MGAT4D: variants seen among roughly 807,000 people sequenced by gnomAD.
The protein encoded by MGAT4D is MGAT4 family member D, also known as alpha-1,3-mannosyl-glycoprotein 4-beta-N-acetylglucosaminyltransferase-like protein MGAT4D.
In MGAT4D, 34 loss-of-function variants were observed where a neutral mutation model predicts 15.9. The ratio of observed to expected loss-of-function variants is 2.14; its 90% CI spans 1.62 to 2.84. MGAT4D has a LOEUF of 2.84. MGAT4D is among the 30% of genes most tolerant of loss of function. The pLI, the probability that MGAT4D is intolerant of heterozygous loss-of-function variation, is 0.00. For synonymous variants in MGAT4D, 112 were observed against 48.2 expected (o/e 2.33, Z -5.49); for missense variants, 327 against 140.2 (o/e 2.33, Z -6.73).
chr4:140,487,186 C>T (rs534719457), intron 1 of MGAT4D, among the ~76,000 whole-genome samples: 1 of 152,276 alleles, frequency 6.6e-6, no homozygotes, highest in South Asian at 2.1e-4. Flanking sequence ...AAATTACTTG[C>T]ATATTTACCC....
chr4:140,482,582 G>C (rs917774446), intron 1 of MGAT4D, 97 bp from the exon 2 acceptor site: 3 of 517,838 alleles, frequency 5.8e-6, no homozygotes, highest in Non-Finnish European at 1.0e-5. Flanking sequence ...TTTCAATATA[G>C]TTATATATAG....
At chr4:140,453,930 T>G (rs1730630412) in intron 9 of MGAT4D, among the ~76,000 whole-genome samples, 1 of 152,160 alleles carries the variant, frequency 6.6e-6, no homozygotes, top group Non-Finnish European at 1.5e-5. Flanking sequence ...ATTGCTATTT[T>G]GCAGAAAAAT....
At chr4:140,465,154 T>A (rs970306802) in intron 5 of MGAT4D, 145 bp from the exon 6 acceptor site, 4 of 513,936 alleles carry the variant, frequency 7.8e-6, no homozygotes, top group African/African-American at 3.8e-5. Flanking sequence ...ACCAGCATCA[T>A]AAAACTAGCC....
intron 9 of MGAT4D, among the ~76,000 whole-genome samples, chr4:140,452,334 T>C (rs1038982410): frequency 6.6e-6 from 1 of 152,180 alleles, no homozygotes; most frequent in Non-Finnish European, 1.5e-5. Flanking sequence ...TTTATTTAGA[T>C]GCATTTCTAC....
intron 9 of MGAT4D, among the ~76,000 whole-genome samples, chr4:140,454,401 G>C (rs982987421): frequency 2.0e-5 from 3 of 151,916 alleles, no homozygotes; most frequent in African/African-American, 7.3e-5. Context: ...TAAATTGGTG[G>C]GTTACACTGT....
In MGAT4D at chr4:140,461,977, A is replaced by G. The variant is rs1274108766; in HGVS notation, c.714T>C (p.Phe238=). The G allele has an allele frequency of 1.4e-6, 1 of 701,702 alleles. No homozygotes were observed. Among genetic ancestry groups the G allele is most frequent in the Admixed American group, 2.0e-5 (1 of 49,974 alleles). The allele number at this position is 701,702 out of a possible 1,614,324, so 43.5% of individuals were successfully genotyped here. Reference sequence around the variant, plus strand: ...GTTGGGCATACAGCAACAAAATGCAAAAATCCAATACCTGTTTGATTCGCC... The same window carrying G: ...GTTGGGCATACAGCAACAAAATGCAGAAATCCAATACCTGTTTGATTCGCC... The part of the protein sequence containing the change: ...ASWRIKQVLD[F]CILLLYAQPK... Residue 238 remains phenylalanine, a synonymous_variant, in exon 7 of 11, where the codon TTT becomes TTC. Coordinates refer to ENST00000511113, the MANE Select transcript of MGAT4D (RefSeq NM_001277353.2).
In MGAT4D at chr4:140,465,009, T is replaced by C. The variant is rs1230106358; in HGVS notation, c.573A>G (p.Lys191=). 1.1e-5 allele frequency: 8 copies of C among 700,664 alleles called. No homozygotes were observed. The highest frequency in any genetic ancestry group is 2.0e-5 in the Admixed American group (1 of 49,690). The allele number at this position is 700,664 out of a possible 1,614,324, so 43.4% of individuals were successfully genotyped here. ...LHSVVKMITK[K]FKRQVRSGSL... Reference sequence around the variant, plus strand: ...ATCCAGACCTCACTTGCCTTTTGAATCTATAAATAGAAGTAAATGCAGACT... The same window carrying C: ...ATCCAGACCTCACTTGCCTTTTGAACCTATAAATAGAAGTAAATGCAGACT... Residue 191 remains lysine (K), a splice_region_variant and synonymous_variant, in exon 6 of 11, where the codon AAA becomes AAG. Coordinates refer to ENST00000511113, the MANE Select transcript of MGAT4D (RefSeq NM_001277353.2).
intron 9 of MGAT4D, 111 bp from the exon 10 acceptor site, chr4:140,451,628 T>C (rs1416518482): frequency 2.6e-6 from 1 of 390,506 alleles, no homozygotes; most frequent in Admixed American, 4.4e-5. Flanking sequence ...TCTATTTTCA[T>C]ATTTAAAAAT....
chr4:140,459,733 G>A, intron 7 of MGAT4D, 107 bp from the exon 8 acceptor site: 2 of 302,886 alleles, frequency 6.6e-6, no homozygotes, highest in Non-Finnish European at 1.2e-5. Flanking sequence ...GAAGAAAATG[G>A]TTTTATAAAA....
intron 1 of MGAT4D, among the ~76,000 whole-genome samples, chr4:140,496,095 T>C (rs954461630): frequency 4.6e-5 from 7 of 152,190 alleles, no homozygotes; most frequent in Admixed American, 3.9e-4. Flanking sequence ...TGGCCATCTT[T>C]CTAATAAACG....
Position 140,479,579 on chromosome 4 carries a change from G to A in MGAT4D, c.302C>T (p.Thr101Ile), listed in dbSNP as rs746574528. 1 of 543,394 alleles carries A rather than the reference G, an allele frequency of 1.8e-6. No individual in the cohort carries two copies. Among genetic ancestry groups the A allele is most frequent in the South Asian group, 2.7e-5 (1 of 37,498 alleles). The allele number at this position is 543,394 out of a possible 1,614,324, so 33.7% of individuals were successfully genotyped here. The change falls in exon 3 of 11, where the codon ACA becomes ATA. Residue 101 changes from threonine (T) to isoleucine (I), a missense_variant. Transcript: ENST00000511113. ...AAAAAAGAACTTTAAGTCTTCAAAT[G>A]TATTAGATACTGTTTCATTTTTATT... ...ILNKNETVSN[T>I]FEDLKFFFPH...
chr4:140,493,054 C>T (rs1259855428), intron 1 of MGAT4D, among the ~76,000 whole-genome samples: 1 of 152,092 alleles, frequency 6.6e-6, no homozygotes, highest in African/African-American at 2.4e-5. Context: ...TTTCTTGCTT[C>T]CTTATTCCCA....
chr4:140,459,965 T>A lies in MGAT4D; in HGVS notation c.763-339A>T, dbSNP rs181282017. On this transcript the variant is annotated intron_variant, in intron 7 of 10. Coordinates refer to ENST00000511113, the MANE Select transcript of MGAT4D (RefSeq NM_001277353.2). Reference sequence around the variant, plus strand: ...CCAGGCTGGTTTCGAATTCCTGGGCTCAAGCGATCCTCCTGCCTTGGCCTC... The same window carrying A: ...CCAGGCTGGTTTCGAATTCCTGGGCACAAGCGATCCTCCTGCCTTGGCCTC... Among the ~76,000 whole-genome samples the A allele has an allele frequency of 3.0e-4, 46 of 152,182 alleles. No homozygotes were observed. The East Asian group carries it at 8.1e-3, about 27-fold the overall frequency.
intron 4 of MGAT4D, among the ~76,000 whole-genome samples, chr4:140,473,778 A>G (rs1732132294): frequency 6.6e-6 from 1 of 152,072 alleles, no homozygotes; most frequent in Non-Finnish European, 1.5e-5. Context: ...GGCTCATTAC[A>G]GGCTCTACCT....
At chr4:140,458,451 T>G (rs1730951585) in intron 8 of MGAT4D, 1 of 152,186 alleles carries the variant, frequency 6.6e-6, no homozygotes, top group African/African-American at 2.4e-5. Flanking sequence ...AGACAGTGAA[T>G]GCTGGAAGTG....
chr4:140,442,421 C>A lies in MGAT4D; in HGVS notation c.*1015G>T, dbSNP rs1337377047. 6.6e-6 allele frequency: 1 copy of A among 151,884 alleles called. No individual in the cohort carries two copies. The highest frequency in any genetic ancestry group is 1.5e-5 in the Non-Finnish European group (1 of 67,930). The allele number at this position is 151,884 out of a possible 1,614,324, so 9.4% of individuals were successfully genotyped here. A position where few individuals can be genotyped will look rare whatever the true frequency, so the allele number is the denominator to read the frequency against. On this transcript the variant is annotated 3_prime_UTR_variant, in exon 11 of 11. Coordinates refer to ENST00000511113, the MANE Select transcript of MGAT4D (RefSeq NM_001277353.2). ...CAAATAAATATCACTTATTATTGCT[C>A]AAAATAAGTAATACCTTACAGAATA...
intron 9 of MGAT4D, among the ~76,000 whole-genome samples, chr4:140,455,685 G>A (rs2126697581): frequency 6.6e-6 from 1 of 152,252 alleles, no homozygotes; most frequent in South Asian, 2.1e-4. Context: ...TGTAATTGTA[G>A]ATCGGTCTAT....
At chr4:140,493,419 C>T (rs1733635179) in intron 1 of MGAT4D, among the ~76,000 whole-genome samples, 1 of 151,760 alleles carries the variant, frequency 6.6e-6, no homozygotes, top group African/African-American at 2.4e-5. Flanking sequence ...CCTCAGCCTC[C>T]CCAGTAGCTG....
intron 9 of MGAT4D, among the ~76,000 whole-genome samples, chr4:140,454,724 T>C (rs571581454): frequency 1.0e-3 from 152 of 152,298 alleles, no homozygotes; most frequent in Non-Finnish European, 1.7e-3. Context: ...CCTTTGGACA[T>C]GGAAATTTCC....
Sources: allele counts gnomAD v4.1 joint callset (sites outside exome capture counted in the v4.1 genomes callset), GRCh38; gene constraint gnomAD v4.1.1; transcripts MANE v1.5; gene names NCBI Gene and HGNC (gene_info 2026-07-23, HGNC 2026-07-21).